RETREG1: variants seen among roughly 807,000 people sequenced by gnomAD.
RETREG1 encodes family with sequence similarity 134 member B.
In RETREG1, 44 loss-of-function variants were observed where a neutral mutation model predicts 54.8. The observed-to-expected ratio is 0.80, with a 90% CI of 0.63 to 1.03. The LOEUF is 1.03. RETREG1 is among the 50% of genes least tolerant of loss of function. RETREG1 has a pLI of 0.00. For missense variants in RETREG1, 554 were observed against 605.1 expected (o/e 0.92, Z 0.89); for synonymous variants, 217 against 238.5 (o/e 0.91, Z 0.83).
At chr5:16,511,897 A>C (rs1217162526) in intron 3 of RETREG1, among the ~76,000 whole-genome samples, 2 of 152,038 alleles carry the variant, frequency 1.3e-5, no homozygotes, top group African/African-American at 4.8e-5. Flanking sequence ...CACCCCCATG[A>C]TCCCCCATCA....
At chr5:16,495,600 C>T (rs147246580) in intron 3 of RETREG1, among the ~76,000 whole-genome samples, 2 of 152,260 alleles carry the variant, frequency 1.3e-5, no homozygotes, top group Non-Finnish European at 2.9e-5. Flanking sequence ...AGCCATAAGC[C>T]TTGGTGGCTT....
intron 3 of RETREG1, among the ~76,000 whole-genome samples, chr5:16,546,675 T>C (rs890416135): frequency 6.6e-6 from 1 of 152,220 alleles, no homozygotes; most frequent in Admixed American, 6.5e-5. Context: ...AATCAGTGTG[T>C]ACAAAATAAA....
At chr5:16,527,312 C>A (rs1368576776) in intron 3 of RETREG1, among the ~76,000 whole-genome samples, 1 of 152,216 alleles carries the variant, frequency 6.6e-6, no homozygotes, top group Non-Finnish European at 1.5e-5. Flanking sequence ...CTCCTCCGGG[C>A]AGGGCTTTAC....
intron 3 of RETREG1, among the ~76,000 whole-genome samples, chr5:16,517,909 G>A (rs1301694449): frequency 6.6e-6 from 1 of 151,872 alleles, no homozygotes. Context: ...ATCAGTAAGA[G>A]GTTAAATTGT....
chr5:16,510,380 C>A (rs1014455485), intron 3 of RETREG1, among the ~76,000 whole-genome samples: 3 of 152,064 alleles, frequency 2.0e-5, no homozygotes, highest in African/African-American at 7.2e-5. Flanking sequence ...TCGGGGTGTG[C>A]GAGAGCCTGT....
intron 1 of RETREG1, chr5:16,616,292 T>A: frequency 4.0e-6 from 1 of 251,272 alleles, no homozygotes; most frequent in Non-Finnish European, 7.6e-6. Flanking sequence ...TTCAAGCACG[T>A]TTGCTCCGGC....
chr5:16,572,205 T>C, intron 1 of RETREG1, 103 bp from the exon 2 acceptor site: 1 of 777,914 alleles, frequency 1.3e-6, no homozygotes, highest in Non-Finnish European at 2.2e-6. Flanking sequence ...TATTCAATAA[T>C]GATTTCACTT....
intron 3 of RETREG1, among the ~76,000 whole-genome samples, chr5:16,491,856 C>G (rs1357181924): frequency 6.6e-6 from 1 of 152,042 alleles, no homozygotes; most frequent in Non-Finnish European, 1.5e-5. Context: ...GACCCTGTCT[C>G]TACGAAAGAA....
chr5:16,577,737 T>C (rs1413102879), intron 1 of RETREG1, among the ~76,000 whole-genome samples: 7 of 152,124 alleles, frequency 4.6e-5, no homozygotes, highest in Admixed American at 6.5e-5. Context: ...TGGGAGACAA[T>C]TGAATCACAG....
intron 3 of RETREG1, among the ~76,000 whole-genome samples, chr5:16,537,826 C>A (rs1055277111): frequency 6.6e-6 from 1 of 152,114 alleles, no homozygotes; most frequent in South Asian, 2.1e-4. Flanking sequence ...GTGCTCTTCA[C>A]CCACAGGCGA....
At chr5:16,564,349 C>T (rs988085662) in intron 3 of RETREG1, among the ~76,000 whole-genome samples, 10 of 152,174 alleles carry the variant, frequency 6.6e-5, no homozygotes, top group Non-Finnish European at 1.0e-4. Flanking sequence ...CCAGCTGAGA[C>T]GTTCTCTTAC....
chr5:16,475,655 G>C (rs1033702742), intron 8 of RETREG1, among the ~76,000 whole-genome samples: 1 of 152,112 alleles, frequency 6.6e-6, no homozygotes, highest in Non-Finnish European at 1.5e-5. Context: ...GTTTCCTTGG[G>C]TTTTGGTTAA....
chr5:16,581,558 CACACACAAA>C (rs1742480302), intron 1 of RETREG1, among the ~76,000 whole-genome samples: 7 of 137,144 alleles, frequency 5.1e-5, no homozygotes, highest in African/African-American at 1.8e-4. Context: ...CACACACACA[CACACACAAA>C]ACACACACAC....
At chr5:16,483,297 T>C in intron 4 of RETREG1, 49 bp downstream of exon 4, 2 of 1,606,864 alleles carry the variant, frequency 1.2e-6, no homozygotes, top group Non-Finnish European at 1.7e-6. Flanking sequence ...TTCATTTGTT[T>C]CCAAGTAACT....
chr5:16,510,296 G>A (rs898230049), intron 3 of RETREG1, among the ~76,000 whole-genome samples: 1 of 152,026 alleles, frequency 6.6e-6, no homozygotes, highest in African/African-American at 2.4e-5. Flanking sequence ...AGATGAACTG[G>A]GTGTGGTTAC....
chr5:16,581,574 A>C (rs1237238239), intron 1 of RETREG1, among the ~76,000 whole-genome samples: 1 of 151,590 alleles, frequency 6.6e-6, no homozygotes, highest in Non-Finnish European at 1.5e-5. Flanking sequence ...CAAAACACAC[A>C]CACAGGACCA....
intron 1 of RETREG1, among the ~76,000 whole-genome samples, chr5:16,579,932 T>C (rs538229755): frequency 1.3e-5 from 2 of 152,236 alleles, no homozygotes; most frequent in South Asian, 2.1e-4. Flanking sequence ...CAGGATTTTG[T>C]ATGGACATAA....
At chr5:16,498,964 T>C (rs1429266078) in intron 3 of RETREG1, among the ~76,000 whole-genome samples, 1 of 152,204 alleles carries the variant, frequency 6.6e-6, no homozygotes, top group Non-Finnish European at 1.5e-5. Flanking sequence ...TTTTAAAGTT[T>C]TTGACTCTTG....
At position 16,483,372 on chromosome 5, in the gene RETREG1, G is replaced by C. The variant is rs774683360; in HGVS notation, c.559C>G (p.Leu187Val). 7 of 1,613,210 alleles carry C rather than the reference G, an allele frequency of 4.3e-6. No homozygotes were observed. The East Asian group carries it at 1.6e-4, about 36-fold the overall frequency. ...TTGCCAGGGCTCTGCTGTTTAAAAA[G>C]AGACATTTCTTGAAGAAATATGCTG... ...NFSIFLQEMS[L>V]FKQQSPGKFC... Residue 187 changes from leucine to valine, a missense_variant, in exon 4 of 9, where the codon CTT (leucine) becomes GTT (valine). By Grantham distance (32) the Leu-to-Val change is conservative. Around this residue, in one of 4 missense-constraint regions of RETREG1, gnomAD observed 347 missense variants for 412.3 expected, o/e 0.84. Transcript: ENST00000306320.
Sources: gnomAD v4.1 joint callset for allele counts (sites outside exome capture counted in the v4.1 genomes callset) on GRCh38, gnomAD v4.1.1 for gene constraint, gnomAD v4.1.1 regional missense constraint, MANE v1.5 for transcripts, NCBI Gene and HGNC (gene_info 2026-07-23, HGNC 2026-07-21) for gene names.